WDR20: variants seen among roughly 807,000 people sequenced by gnomAD.
WDR20 encodes the protein WD repeat-containing protein 20.
A neutral mutation model predicts 38.7 loss-of-function variants in WDR20; 3 were observed. The ratio of observed to expected loss-of-function variants is 0.08; its 90% CI spans 0.04 to 0.20. The LOEUF (loss-of-function observed/expected upper bound fraction) is 0.20. Ranked by LOEUF, WDR20 falls within the 10% of genes least tolerant of loss-of-function variation. WDR20 has a pLI of 1.00. For synonymous variants in WDR20, 298 were observed against 285.6 expected (o/e 1.04, Z -0.44); for missense variants, 559 against 727.7 (o/e 0.77, Z 2.67).
intron 1 of WDR20, among the ~76,000 whole-genome samples, chr14:102,160,064 A>G (rs1272051864): frequency 1.3e-5 from 2 of 152,192 alleles, no homozygotes; most frequent in Non-Finnish European, 2.9e-5. Context: ...TGATCATACC[A>G]CTGCACTCCA....
At chr14:102,212,468 C>T, downstream of WDR20, 1 of 1,531,836 alleles carries the variant, frequency 6.5e-7, no homozygotes, top group Non-Finnish European at 8.7e-7. Flanking sequence ...TGCAGGGCGA[C>T]ACCACTCTGT....
intron 1 of WDR20, among the ~76,000 whole-genome samples, chr14:102,157,099 C>G (rs1201129081): frequency 6.6e-6 from 1 of 151,848 alleles, no homozygotes; most frequent in African/African-American, 2.4e-5. Context: ...CCCATCTCTG[C>G]AAAAAATTTT....
At chr14:102,214,644 C>T (rs562848407), downstream of WDR20, 8 of 984,706 alleles carry the variant, frequency 8.1e-6, no homozygotes, top group South Asian at 2.8e-4. Context: ...TTAGGCGACA[C>T]TGTATAAAAT....
At chr14:102,203,403 G>A (rs1276371377) in intron 2 of WDR20, among the ~76,000 whole-genome samples, 3 of 152,024 alleles carry the variant, frequency 2.0e-5, no homozygotes, top group Non-Finnish European at 4.4e-5. Flanking sequence ...TTAGAACCCT[G>A]TGTGTGTTTA....
At position 102,140,839 on chromosome 14, in the gene WDR20, G is replaced by C. The variant is rs866125770; in HGVS notation, c.249+667G>C. ...AAGGAGAGTCATCTTGTCCCTTGTA[G>C]TATGCGAAGGGCTGAGTACTACAGT... On this transcript the variant is annotated intron_variant, in intron 1 of 2. Coordinates refer to ENST00000342702, the MANE Select transcript of WDR20 (RefSeq NM_144574.4). 1.4e-4 allele frequency among the ~76,000 whole-genome samples: 21 copies of C among 152,344 alleles called. No homozygotes were observed. The Middle Eastern group carries it at 0.014, about 99-fold the overall frequency.
chr14:102,178,471 G>A (rs1487536064), intron 1 of WDR20, among the ~76,000 whole-genome samples: 1 of 151,862 alleles, frequency 6.6e-6, no homozygotes, highest in Admixed American at 6.6e-5. Context: ...CCATGTTTGT[G>A]CACCTCTTCT....
At chr14:102,161,138 A>G (rs1339716250) in intron 1 of WDR20, among the ~76,000 whole-genome samples, 2 of 10,892 alleles carry the variant, frequency 1.8e-4, no homozygotes, top group Non-Finnish European at 3.4e-4. Context: ...ATATATATAT[A>G]TATATTTTTT....
At chr14:102,224,705 T>G, downstream of WDR20, 1 of 455,984 alleles carries the variant, frequency 2.2e-6, no homozygotes, top group South Asian at 1.5e-5. Flanking sequence ...GGAGGAGACA[T>G]TAGTTACAGC....
chr14:102,202,154 C>T (rs1454430114), intron 2 of WDR20, among the ~76,000 whole-genome samples: 1 of 151,940 alleles, frequency 6.6e-6, no homozygotes, highest in Non-Finnish European at 1.5e-5. Context: ...CTGCCCCCAC[C>T]CTGCTTCCCT....
downstream of WDR20, chr14:102,213,369 A>G (rs932818131): frequency 2.8e-5 from 28 of 985,478 alleles, no homozygotes; most frequent in Admixed American, 1.2e-4. Flanking sequence ...AATTTGCTTA[A>G]ATCATGGTAA....
At chr14:102,144,294 C>G (rs1321120991) in intron 1 of WDR20, among the ~76,000 whole-genome samples, 1 of 151,720 alleles carries the variant, frequency 6.6e-6, no homozygotes, top group Non-Finnish European at 1.5e-5. Flanking sequence ...ACCAGCCTGG[C>G]CAACATGGTA....
chr14:102,219,019 G>A (rs143730182), downstream of WDR20, among the ~76,000 whole-genome samples: 97 of 152,342 alleles, frequency 6.4e-4, no homozygotes, highest in African/African-American at 2.3e-3. Context: ...CTGAAGAGCA[G>A]GCGGATTGGG....
chr14:102,212,726 G>A (rs1464768853), downstream of WDR20: 6 of 1,461,458 alleles, frequency 4.1e-6, no homozygotes, highest in Non-Finnish European at 3.6e-6. Context: ...GATATCAGGT[G>A]TGTAAGGTGC....
intron 1 of WDR20, among the ~76,000 whole-genome samples, chr14:102,189,355 ATTAAG>A (rs1371154665): frequency 5.3e-5 from 8 of 152,246 alleles, no homozygotes; most frequent in African/African-American, 1.9e-4. Context: ...AAATTTTTCT[ATTAAG>A]TTGAGAACTT....
chr14:102,186,182 G>A (rs972096783), intron 1 of WDR20, among the ~76,000 whole-genome samples: 3 of 152,162 alleles, frequency 2.0e-5, no homozygotes, highest in African/African-American at 4.8e-5. Flanking sequence ...GTTCAGATAC[G>A]TTGGCTGTAA....
chr14:102,139,689 G>T, upstream of WDR20: 2 of 676,058 alleles, frequency 3.0e-6, no homozygotes, highest in Admixed American at 2.9e-5. Flanking sequence ...CCACACCCGG[G>T]GGAGGAGCCT....
rs201601061 is a variant in WDR20, at chr14:102,222,792, G to A, written c.1693-38G>A. On this transcript the variant is annotated intron_variant, in intron 3 of 3. Coordinates refer to the WDR20 transcript ENST00000335263. The surrounding 1 kb of genome is among the most constrained non-coding windows in gnomAD (Gnocchi z 4.4). ...GCGCATGGTGGCTGTTGCCCGTCCG[G>A]TGTTTTGCTGGATTAATGTAGACTG... The A allele has an allele frequency of 1.7e-5, 27 of 1,613,740 alleles. No homozygotes were observed. In the East Asian group the frequency reaches 1.8e-4, roughly 11 times the overall value.
chr14:102,185,656 A>G (rs750556539), intron 1 of WDR20, among the ~76,000 whole-genome samples: 1 of 152,164 alleles, frequency 6.6e-6, no homozygotes, highest in Non-Finnish European at 1.5e-5. Context: ...GGTGCTTTGT[A>G]AACTGTAAAG....
At chr14:102,210,610 G>A (rs1165337865), downstream of WDR20, 7 of 926,414 alleles carry the variant, frequency 7.6e-6, no homozygotes, top group African/African-American at 8.9e-5. Context: ...TGGGAACTGC[G>A]GGCCGAGGAC....
Sources: allele counts gnomAD v4.1 joint callset (sites outside exome capture counted in the v4.1 genomes callset), GRCh38; gene constraint gnomAD v4.1.1; non-coding constraint Gnocchi (gnomAD v3.1); transcripts MANE v1.5; gene names NCBI Gene and HGNC (gene_info 2026-07-23, HGNC 2026-07-21).